TPPP: variants seen among roughly 807,000 people sequenced by gnomAD.
TPPP encodes the protein tubulin polymerization-promoting protein.
In TPPP, 6 loss-of-function variants were observed where a neutral mutation model predicts 15.5. The observed-to-expected ratio is 0.39, with a 90% CI of 0.21 to 0.77. The LOEUF is 0.77. Among genes scored for constraint, TPPP ranks in the 30% least tolerant of loss-of-function variants. The probability of loss-of-function intolerance (pLI) is 0.42; values close to 1 mark genes in which losing one functional copy is unlikely to be tolerated. For missense variants in TPPP, 269 were observed against 307.2 expected (o/e 0.88, Z 0.93); for synonymous variants, 146 against 133.9 (o/e 1.09, Z -0.63).
At chr5:670,488 A>G (rs1740180554) in intron 2 of TPPP, among the ~76,000 whole-genome samples, 1 of 151,852 alleles carries the variant, frequency 6.6e-6, no homozygotes, top group South Asian at 2.1e-4. Context: ...CAGGGCACCA[A>G]CCTCTGGGAT....
rs555680324 is a variant in TPPP at position 673,307 on chromosome 5, C to T, written c.311+4443G>A. On this transcript the variant is annotated intron_variant, in intron 2 of 3. Coordinates refer to ENST00000360578, the MANE Select transcript of TPPP (RefSeq NM_007030.3). Reference sequence around the variant, plus strand: ...TTTTAGGCCCCTTGCTGCTGTACACCTGGGAGGTCAGGACCCCGTGCCAGG... The same window carrying T: ...TTTTAGGCCCCTTGCTGCTGTACACTTGGGAGGTCAGGACCCCGTGCCAGG... Among the ~76,000 whole-genome samples the T allele has an allele frequency of 2.0e-5, 3 of 152,296 alleles. No homozygotes were observed. The East Asian group carries it at 5.8e-4, about 29-fold the overall frequency.
chr5:673,690 C>T (rs1740301672), intron 2 of TPPP, among the ~76,000 whole-genome samples: 2 of 152,162 alleles, frequency 1.3e-5, no homozygotes, highest in South Asian at 2.1e-4. Flanking sequence ...AAGGCTGGCA[C>T]ACCCCAAGGC....
rs1554021106 is a variant in TPPP, at chr5:666,129, G to GGGGCACAGGTGACTTA, written c.312-7_312-6insTAAGTCACCTGTGCCC. 1.1e-5 allele frequency: 18 copies of GGGGCACAGGTGACTTA among 1,606,698 alleles called. No individual in the cohort carries two copies. The highest frequency in any genetic ancestry group is 6.7e-5 in the African/African-American group (5 of 74,434). ...TGGTCCGGCAAGACTTCCCTCTACA[G>GGGGCACAGGTGACTTA]GGGCACAGGCGACTTAGGGCTGGGC... On this transcript the variant is annotated splice_polypyrimidine_tract_variant and splice_region_variant and intron_variant, in intron 2 of 3. Coordinates refer to ENST00000360578, the MANE Select transcript of TPPP (RefSeq NM_007030.3).
intron 2 of TPPP, among the ~76,000 whole-genome samples, chr5:675,141 G>GTGTGGCCAGGGGTGCAA (rs71598661): frequency 0.43 from 22,754 of 52,650 alleles, 6,387 homozygotes; most frequent in African/African-American, 0.52. Flanking sequence ...CAGGGGTGCA[G>GTGTGGCCAGGGGTGCAA]TGTGGCCAGG....
upstream of TPPP, among the ~76,000 whole-genome samples, chr5:697,514 G>T (rs774303592): frequency 8.6e-5 from 13 of 152,046 alleles, no homozygotes; most frequent in Non-Finnish European, 1.5e-4. Flanking sequence ...GAGAAGGGAG[G>T]AACTTGTGTC....
intron 1 of TPPP, among the ~76,000 whole-genome samples, chr5:678,778 T>G (rs530023637): frequency 1.6e-4 from 25 of 152,268 alleles, no homozygotes; most frequent in Non-Finnish European, 2.4e-4. Context: ...CTCTGGACTT[T>G]GCAAGGCGCC....
chr5:683,949 G>T (rs1156794446), intron 1 of TPPP, among the ~76,000 whole-genome samples: 3 of 152,188 alleles, frequency 2.0e-5, no homozygotes, highest in African/African-American at 7.2e-5. Flanking sequence ...TCCTGTCCAG[G>T]GGGAGCACCC....
the TPPP span, among the ~76,000 whole-genome samples, chr5:698,740 A>G: frequency 1.3e-5 from 2 of 152,082 alleles, no homozygotes; most frequent in East Asian, 1.9e-4. Context: ...ACAATTCAAG[A>G]TGAGATTTGG....
intron 2 of TPPP, among the ~76,000 whole-genome samples, chr5:673,163 T>TCAACA (rs139264145): frequency 0.056 from 8,440 of 152,054 alleles, 590 homozygotes; most frequent in African/African-American, 0.16. Flanking sequence ...CAAAAGCAAC[T>TCAACA]CCCACAGGCC....
At chr5:678,254 C>T (rs564569793) in intron 1 of TPPP, among the ~76,000 whole-genome samples, 190 bp from the exon 2 acceptor site, 1 of 149,626 alleles carries the variant, frequency 6.7e-6, no homozygotes, top group South Asian at 2.1e-4. Flanking sequence ...CACGCATGTC[C>T]AGCCCCGGGC....
intron 2 of TPPP, among the ~76,000 whole-genome samples, chr5:670,228 A>G (rs1719205322): frequency 6.6e-6 from 1 of 151,970 alleles, no homozygotes; most frequent in African/African-American, 2.4e-5. Context: ...TGGGCTCGGG[A>G]CTGTGCATCC....
intron 2 of TPPP, among the ~76,000 whole-genome samples, chr5:669,220 C>T (rs951774795): frequency 2.2e-4 from 34 of 152,202 alleles, no homozygotes; most frequent in Admixed American, 2.6e-4. Flanking sequence ...GGGCACATTC[C>T]AGACCCGCCG....
At chr5:686,807 G>A (rs1338703662) in intron 1 of TPPP, among the ~76,000 whole-genome samples, 2 of 144,460 alleles carry the variant, frequency 1.4e-5, no homozygotes, top group African/African-American at 5.0e-5. Context: ...CCATTGTGGT[G>A]GCATTAACAG....
rs1580069616 is a variant in TPPP, at chr5:664,489, G to T, written c.*613C>A. 6.5e-6 allele frequency: 1 copy of T among 153,008 alleles called. No homozygotes were observed. The highest frequency in any genetic ancestry group is 1.9e-4 in the East Asian group (1 of 5,198). The allele number at this position is 153,008 out of a possible 1,614,324, so 9.5% of individuals were successfully genotyped here. On this transcript the variant is annotated 3_prime_UTR_variant, in exon 4 of 4. Coordinates refer to ENST00000360578, the MANE Select transcript of TPPP (RefSeq NM_007030.3). ...TGGCACAGAGCTGGCCTGTAGGCAT[G>T]TGTGCACAGGTGTGTCCATGTGACC...
chr5:675,899 G>A (rs1034247506), intron 2 of TPPP: 1 of 152,242 alleles, frequency 6.6e-6, no homozygotes, highest in Non-Finnish European at 1.5e-5. Flanking sequence ...CTGAGCCCAT[G>A]AGGACACTGA....
intron 3 of TPPP, among the ~76,000 whole-genome samples, 198 bp from the exon 4 acceptor site, chr5:665,494 C>A (rs1739859057): frequency 6.6e-6 from 1 of 152,066 alleles, no homozygotes; most frequent in Non-Finnish European, 1.5e-5. Flanking sequence ...CGGGGTGCCA[C>A]AACCCTAACA....
chr5:678,049 C>T lies in TPPP; in HGVS notation c.12G>A (p.Lys4=). Residue 4 remains lysine (K), a synonymous_variant, in exon 2 of 4, where the codon AAG becomes AAA. Transcript: ENST00000360578. The part of the protein sequence containing the change: MAD[K]AKPAKAANRT... ...TGTTGGCAGCTTTGGCAGGCTTGGC[C>T]TTGTCAGCCATGTTGCTATGGAGGA... is the stretch of plus-strand genomic sequence containing the variant. 6.4e-7 allele frequency: 1 copy of T among 1,569,674 alleles called. No homozygotes were observed. The highest frequency in any genetic ancestry group is 8.6e-7 in the Non-Finnish European group (1 of 1,158,186).
chr5:666,179 C>T, intron 2 of TPPP, 56 bp from the exon 3 acceptor site: 1 of 1,574,452 alleles, frequency 6.4e-7, no homozygotes, highest in African/African-American at 1.4e-5. Flanking sequence ...GGCTGCCCTC[C>T]CCACGCGTGG....
intron 2 of TPPP, among the ~76,000 whole-genome samples, chr5:676,921 G>GA (rs1190388024): frequency 1.4e-5 from 2 of 144,434 alleles, no homozygotes; most frequent in Non-Finnish European, 3.0e-5. Context: ...ACACGACGCA[G>GA]AAACGCACGC....
Sources: gnomAD v4.1 joint callset for allele counts (sites outside exome capture counted in the v4.1 genomes callset) on GRCh38, gnomAD v4.1.1 for gene constraint, MANE v1.5 for transcripts, NCBI Gene and HGNC (gene_info 2026-07-23, HGNC 2026-07-21) for gene names.